Variants in LEPROTL1 observed in about 807,000 individuals in gnomAD.
The protein encoded by LEPROTL1 is leptin receptor overlapping transcript like 1, also known as leptin receptor overlapping transcript-like 1.
Under a neutral mutation model 15.4 loss-of-function variants are expected in LEPROTL1, and 6 were observed. That is an observed-to-expected ratio of 0.39 (90% CI 0.21 to 0.77). LEPROTL1 has a LOEUF of 0.77. Among genes scored for constraint, LEPROTL1 ranks in the 30% least tolerant of loss-of-function variants. LEPROTL1 has a pLI of 0.41. For missense variants in LEPROTL1, 128 were observed against 158.1 expected (o/e 0.81, Z 1.02); for synonymous variants, 56 against 52.6 (o/e 1.06, Z -0.28).
chr8:30,103,495 C>T (rs1317268608), intron 2 of LEPROTL1, among the ~76,000 whole-genome samples: 1 of 152,034 alleles, frequency 6.6e-6, no homozygotes, highest in East Asian at 1.9e-4. Flanking sequence ...AATCCTAGCA[C>T]TTTGGGAGGC....
downstream of LEPROTL1, among the ~76,000 whole-genome samples, chr8:30,110,027 C>G (rs761412043): frequency 6.6e-6 from 1 of 152,130 alleles, no homozygotes; most frequent in Non-Finnish European, 1.5e-5. Flanking sequence ...AGACCTTTGT[C>G]TGATTTCCAG....
At chr8:30,117,476 A>G in intron 3 of LEPROTL1, 2 of 1,484,634 alleles carry the variant, frequency 1.3e-6, no homozygotes, top group Non-Finnish European at 1.9e-6. Context: ...AGTACAATGA[A>G]ACCAAACTGA....
At chr8:30,129,932 C>T (rs1039376220) in intron 3 of LEPROTL1, among the ~76,000 whole-genome samples, 4 of 152,004 alleles carry the variant, frequency 2.6e-5, no homozygotes, top group Non-Finnish European at 4.4e-5. Flanking sequence ...AGAGAAAGAG[C>T]GGGAAGGCGT....
intron 3 of LEPROTL1, among the ~76,000 whole-genome samples, chr8:30,119,121 G>A (rs781766930): frequency 2.0e-5 from 3 of 152,180 alleles, no homozygotes; most frequent in Non-Finnish European, 4.4e-5. Context: ...CTGGTTTATC[G>A]AGACTGGAGA....
Position 30,106,718 on chromosome 8 carries a change from T to C in LEPROTL1, c.*856T>C. 2.0e-6 allele frequency: 2 copies of C among 985,242 alleles called. No homozygotes were observed. The highest frequency in any genetic ancestry group is 2.4e-6 in the Non-Finnish European group (2 of 829,370). 61.0% of individuals were successfully genotyped at this position (985,242 alleles called of 1,614,324 possible). A position where few individuals can be genotyped will look rare whatever the true frequency, so the allele number is the denominator to read the frequency against. ...TATAAGTGAAATTTGTGATCTCCTA[T>C]CAACCTTTCATGTTTTACCCTGTTA... On this transcript the variant is annotated 3_prime_UTR_variant, in exon 4 of 4. Transcript: ENST00000321250.
intron 1 of LEPROTL1, chr8:30,096,323 G>T: frequency 3.0e-6 from 3 of 983,812 alleles, no homozygotes; most frequent in Non-Finnish European, 3.6e-6. Context: ...TAGTTTTGTT[G>T]TCAGTGTGAT....
chr8:30,132,847 AG>A, intron 4 of LEPROTL1: 4 of 1,551,510 alleles, frequency 2.6e-6, no homozygotes, highest in Non-Finnish European at 3.5e-6. Flanking sequence ...ACAAATGTCC[AG>A]AGAGAGGGAC....
chr8:30,133,948 C>T (rs1214007071), intron 4 of LEPROTL1, among the ~76,000 whole-genome samples: 4 of 152,088 alleles, frequency 2.6e-5, no homozygotes, highest in African/African-American at 9.7e-5. Flanking sequence ...CAAAAGACTG[C>T]AAAAACCACA....
downstream of LEPROTL1, among the ~76,000 whole-genome samples, chr8:30,109,030 A>AC (rs374078341): frequency 2.2e-3 from 132 of 59,116 alleles, 1 homozygote; most frequent in Admixed American, 6.2e-3. Flanking sequence ...CCCTCAAACC[A>AC]CCCCCCCGCC....
chr8:30,107,055 T>C lies in LEPROTL1; in HGVS notation c.*1193T>C. On this transcript the variant is annotated 3_prime_UTR_variant, in exon 4 of 4. Coordinates refer to ENST00000321250, the MANE Select transcript of LEPROTL1 (RefSeq NM_015344.3). ...TTTAGACCATGGTAATAGTAGTTCTTATTCTCTAAGGTTATATCATATGTA... is the reference window on the plus strand; with the variant it reads ...TTTAGACCATGGTAATAGTAGTTCTCATTCTCTAAGGTTATATCATATGTA... 2.1e-6 allele frequency: 2 copies of C among 974,476 alleles called. No individual in the cohort carries two copies. Among genetic ancestry groups the C allele is most frequent in the Non-Finnish European group, 2.4e-6 (2 of 819,986 alleles). 60.4% of individuals were successfully genotyped at this position (974,476 alleles called of 1,614,324 possible).
At chr8:30,132,740 A>C (rs1295991597) in intron 4 of LEPROTL1, 6 of 1,551,728 alleles carry the variant, frequency 3.9e-6, no homozygotes, top group Non-Finnish European at 2.6e-6. Context: ...GCAGGGAAAA[A>C]GAGCAAGTAG....
chr8:30,131,041 G>A (rs1020626681), intron 3 of LEPROTL1, among the ~76,000 whole-genome samples: 2 of 151,904 alleles, frequency 1.3e-5, no homozygotes, highest in Middle Eastern at 3.4e-3. Context: ...TGATCCGCCC[G>A]TCTCGGCCTC....
intron 3 of LEPROTL1, among the ~76,000 whole-genome samples, chr8:30,122,091 C>G (rs1011881855): frequency 6.6e-6 from 1 of 151,450 alleles, no homozygotes; most frequent in Non-Finnish European, 1.5e-5. Context: ...CGCTTGAACC[C>G]GGGAGGCCGA....
Position 30,104,296 on chromosome 8 carries a change from C to T in LEPROTL1, c.93-4C>T. ...ATTACATTAACTTATTTTTCTTTTT[C>T]TAGCAAATACTGGCCCCTCTTTGTT... On this transcript the variant is annotated splice_polypyrimidine_tract_variant and splice_region_variant and intron_variant, in intron 2 of 3. Coordinates refer to ENST00000321250, the MANE Select transcript of LEPROTL1 (RefSeq NM_015344.3). 2 of 1,461,230 alleles carry T rather than the reference C, an allele frequency of 1.4e-6. No homozygotes were observed. The allele number at this position is 1,461,230 out of a possible 1,614,324, so 90.5% of individuals were successfully genotyped here. A position where few individuals can be genotyped will look rare whatever the true frequency, so the allele number is the denominator to read the frequency against.
intron 3 of LEPROTL1, among the ~76,000 whole-genome samples, chr8:30,116,727 G>C (rs1802746653): frequency 2.6e-5 from 4 of 152,180 alleles, no homozygotes; most frequent in Admixed American, 2.6e-4. Context: ...AGGTAATAAA[G>C]TAAAGCACTT....
At chr8:30,118,979 G>A (rs552157609) in intron 3 of LEPROTL1, among the ~76,000 whole-genome samples, 3 of 152,078 alleles carry the variant, frequency 2.0e-5, no homozygotes, top group East Asian at 1.9e-4. Context: ...CATGGGTGTC[G>A]GGCTGGGGGA....
rs1447929105 is a variant in LEPROTL1 at position 30,136,153 on chromosome 8, C to A, written c.395-1119C>A. ...TGGACTGAATGTGCCCCCAAAATTC[C>A]TGTGCTTATGGTCTAACCCCAGTAC... On this transcript the variant is annotated intron_variant, in intron 4 of 4. Transcript: ENST00000442880. Among the ~76,000 whole-genome samples, 7 of 152,296 alleles carry A rather than the reference C, an allele frequency of 4.6e-5. No homozygotes were observed. In the South Asian group the frequency reaches 1.2e-3, roughly 27 times the overall value.
At chr8:30,132,578 C>T in intron 4 of LEPROTL1, 2 of 1,551,670 alleles carry the variant, frequency 1.3e-6, no homozygotes, top group Admixed American at 3.9e-5. Flanking sequence ...GCATCCACCA[C>T]CCTGCTCACT....
intron 3 of LEPROTL1, among the ~76,000 whole-genome samples, chr8:30,120,464 C>T (rs944235313): frequency 3.3e-5 from 5 of 150,810 alleles, no homozygotes; most frequent in Admixed American, 3.3e-4. Flanking sequence ...TTTGTATATG[C>T]ATATATATAT....
Sources: allele counts gnomAD v4.1 joint callset (sites outside exome capture counted in the v4.1 genomes callset), GRCh38; gene constraint gnomAD v4.1.1; transcripts MANE v1.5; gene names NCBI Gene and HGNC (gene_info 2026-07-23, HGNC 2026-07-21).